The following NEBL variants were observed in gnomAD, a reference collection of about 807,000 sequenced individuals.
NEBL encodes the protein LIM and SH3 protein 2.
In NEBL, 122 loss-of-function variants were observed where a neutral mutation model predicts 140.2. That is an observed-to-expected ratio of 0.87 (90% CI 0.75 to 1.01). NEBL has a LOEUF of 1.01. Ranked by LOEUF, NEBL falls within the 50% of genes least tolerant of loss-of-function variation. The pLI is 0.00. For synonymous variants in NEBL, 436 were observed against 398.9 expected (o/e 1.09, Z -1.11); for missense variants, 1,365 against 1,231.3 (o/e 1.11, Z -1.62).
chr10:21,287,014 C>T (rs1564556330), intron 1 of NEBL, among the ~76,000 whole-genome samples: 1 of 152,024 alleles, frequency 6.6e-6, no homozygotes, highest in African/African-American at 2.4e-5. Flanking sequence ...AGGTCAAGAT[C>T]CAAGTAATCA....
At chr10:21,095,898 C>T (rs561042321) in intron 2 of NEBL, among the ~76,000 whole-genome samples, 8 of 152,254 alleles carry the variant, frequency 5.3e-5, no homozygotes, top group Middle Eastern at 3.4e-3. Flanking sequence ...GGGTTCTGAG[C>T]TCTACAAATC....
At chr10:21,041,602 G>A (rs544582465) in intron 2 of NEBL, among the ~76,000 whole-genome samples, 1 of 152,098 alleles carries the variant, frequency 6.6e-6, no homozygotes, top group African/African-American at 2.4e-5. Context: ...ATCACTAGAA[G>A]GATAGTTAGA....
chr10:21,206,496 A>C (rs796706215), intron 3 of NEBL, among the ~76,000 whole-genome samples: 3 of 152,300 alleles, frequency 2.0e-5, no homozygotes, highest in African/African-American at 7.2e-5. Flanking sequence ...AGATCTAACC[A>C]GGGGGGTAGA....
rs914468477 is a variant in NEBL at position 20,780,484 on chromosome 10, A to C, written c.*5263T>G. ...GGAAAATATCTTGACTGATTCACCA[A>C]TGTAAATGCACTGAAGGCAGCACAC... On this transcript the variant is annotated 3_prime_UTR_variant, in exon 28 of 28. Coordinates refer to ENST00000377122, the MANE Select transcript of NEBL (RefSeq NM_006393.3). 6.6e-6 allele frequency: 1 copy of C among 152,192 alleles called. No homozygotes were observed. 9.4% of individuals were successfully genotyped at this position (152,192 alleles called of 1,614,324 possible).
chr10:20,808,365 C>CTATTT, intron 26 of NEBL, 145 bp downstream of exon 26: 1 of 752,904 alleles, frequency 1.3e-6, no homozygotes, highest in Non-Finnish European at 2.0e-6. Context: ...AAAAAAAAGA[C>CTATTT]TATTAACTTT....
At chr10:20,790,468 G>A (rs1398588409) in intron 26 of NEBL, among the ~76,000 whole-genome samples, 1 of 151,808 alleles carries the variant, frequency 6.6e-6, no homozygotes, top group Non-Finnish European at 1.5e-5. Context: ...TGGGCGTGGG[G>A]TGTGTGCCTG....
chr10:20,837,856 G>A (rs1288027342), intron 13 of NEBL, among the ~76,000 whole-genome samples: 1 of 152,140 alleles, frequency 6.6e-6, no homozygotes, highest in Non-Finnish European at 1.5e-5. Flanking sequence ...TTTATAAATG[G>A]AATAACAAAG....
chr10:20,888,063 T>C, intron 4 of NEBL, 34 bp downstream of exon 4: 1 of 1,414,542 alleles, frequency 7.1e-7, no homozygotes, highest in Non-Finnish European at 1.0e-6. Context: ...ATGTTTTATC[T>C]ACAAAATCAT....
At chr10:20,879,065 C>T (rs1329929823) in intron 5 of NEBL, among the ~76,000 whole-genome samples, 2 of 152,142 alleles carry the variant, frequency 1.3e-5, no homozygotes, top group East Asian at 1.9e-4. Context: ...ACTGGAAACT[C>T]GGGATTTCTC....
At chr10:21,066,325 C>T (rs1192752003) in intron 2 of NEBL, among the ~76,000 whole-genome samples, 5 of 152,112 alleles carry the variant, frequency 3.3e-5, no homozygotes, top group Admixed American at 6.6e-5. Context: ...TTCATGAATA[C>T]GGTAATCACC....
intron 2 of NEBL, among the ~76,000 whole-genome samples, chr10:21,065,610 T>G (rs1835498055): frequency 6.6e-6 from 1 of 152,244 alleles, no homozygotes; most frequent in Non-Finnish European, 1.5e-5. Flanking sequence ...TGATTCTTAA[T>G]GCAAAACCTG....
chr10:20,879,329 CT>C (rs1221993655), intron 5 of NEBL, among the ~76,000 whole-genome samples: 2 of 152,148 alleles, frequency 1.3e-5, no homozygotes, highest in African/African-American at 4.8e-5. Flanking sequence ...TGGTGCATGG[CT>C]GTGCTCAGTA....
intron 25 of NEBL, 44 bp downstream of exon 25, chr10:20,809,762 G>A: frequency 7.0e-7 from 1 of 1,420,304 alleles, no homozygotes; most frequent in Non-Finnish European, 1.0e-6. Flanking sequence ...TTCACTTTTG[G>A]GACAAAACCA....
At chr10:20,885,380 T>G (rs1402051778) in intron 4 of NEBL, among the ~76,000 whole-genome samples, 1 of 152,204 alleles carries the variant, frequency 6.6e-6, no homozygotes, top group South Asian at 2.1e-4. Context: ...AAAGTCTAGG[T>G]TTTTCTTTAT....
intron 3 of NEBL, among the ~76,000 whole-genome samples, chr10:20,969,327 A>T (rs1427186515): frequency 6.6e-6 from 1 of 152,028 alleles, no homozygotes; most frequent in Admixed American, 6.6e-5. Flanking sequence ...ATTAAAAAGC[A>T]TTAAAAATCA....
intron 2 of NEBL, chr10:21,030,568 C>A: frequency 2.9e-6 from 2 of 694,914 alleles, no homozygotes. Context: ...AGACACACAG[C>A]ACGAATACCC....
chr10:21,012,776 A>G (rs1838394515), intron 3 of NEBL, among the ~76,000 whole-genome samples: 1 of 152,148 alleles, frequency 6.6e-6, no homozygotes, highest in South Asian at 2.1e-4. Flanking sequence ...CTCTTAACAA[A>G]CAGCCTAGAG....
chr10:20,896,211 C>T (rs902029894), intron 2 of NEBL, among the ~76,000 whole-genome samples: 4 of 151,948 alleles, frequency 2.6e-5, no homozygotes, highest in Non-Finnish European at 5.9e-5. Flanking sequence ...CTCTTAGAAC[C>T]GCTAATGAGG....
intron 2 of NEBL, among the ~76,000 whole-genome samples, chr10:21,095,335 A>AAG (rs67559061): frequency 6.4e-3 from 24 of 3,722 alleles, no homozygotes; most frequent in Non-Finnish European, 0.021. Flanking sequence ...AAAAGCAGAT[A>AAG]AAAGATAAGA....
Sources: allele counts gnomAD v4.1 joint callset (sites outside exome capture counted in the v4.1 genomes callset), GRCh38; gene constraint gnomAD v4.1.1; transcripts MANE v1.5; gene names NCBI Gene and HGNC (gene_info 2026-07-23, HGNC 2026-07-21).